Variants in SUGCT observed in about 807,000 individuals in gnomAD.
The protein encoded by SUGCT is succinyl-CoA:glutarate CoA-transferase.
Under a neutral mutation model 55.0 loss-of-function variants are expected in SUGCT, and 41 were observed. That is an observed-to-expected ratio of 0.74 (90% CI 0.58 to 0.97). SUGCT has a LOEUF of 0.97. Among genes scored for constraint, SUGCT ranks in the 50% least tolerant of loss-of-function variants. The pLI, the probability that SUGCT is intolerant of heterozygous loss-of-function variation, is 0.00. For missense variants in SUGCT, 568 were observed against 547.8 expected (o/e 1.04, Z -0.37); for synonymous variants, 187 against 200.4 (o/e 0.93, Z 0.56).
chr7:40,909,294 C>T, the SUGCT span, among the ~76,000 whole-genome samples: 10 of 152,262 alleles, frequency 6.6e-5, no homozygotes, highest in South Asian at 1.7e-3. Context: ...CTGGGAGCCA[C>T]GCTGCTGGAC....
intron 6 of SUGCT, among the ~76,000 whole-genome samples, chr7:40,209,736 C>G (rs1787220465): frequency 6.6e-6 from 1 of 151,618 alleles, no homozygotes; most frequent in Non-Finnish European, 1.5e-5. Flanking sequence ...GCGGAGGTTA[C>G]AGTGAGCCGA....
chr7:40,834,097 T>C (rs1792834551), intron 13 of SUGCT, among the ~76,000 whole-genome samples: 1 of 152,198 alleles, frequency 6.6e-6, no homozygotes, highest in Admixed American at 6.5e-5. Context: ...GTTCTGCTTT[T>C]TTAACTTTCT....
the SUGCT span, among the ~76,000 whole-genome samples, chr7:40,941,529 A>G: frequency 6.6e-6 from 1 of 152,152 alleles, no homozygotes; most frequent in Non-Finnish European, 1.5e-5. Flanking sequence ...TGATTAGAAG[A>G]ATGTATATTC....
chr7:40,600,964 A>G (rs1798266534), intron 12 of SUGCT, among the ~76,000 whole-genome samples: 1 of 152,192 alleles, frequency 6.6e-6, no homozygotes, highest in Non-Finnish European at 1.5e-5. Context: ...AAAACATGAA[A>G]TGTACCACTG....
intron 13 of SUGCT, among the ~76,000 whole-genome samples, chr7:40,818,407 C>T (rs1057379373): frequency 6.6e-6 from 1 of 152,220 alleles, no homozygotes; most frequent in Non-Finnish European, 1.5e-5. Flanking sequence ...GCCTCACCCC[C>T]CTGGGGCCCA....
chr7:40,175,437 C>T (rs1210496837), intron 1 of SUGCT, among the ~76,000 whole-genome samples: 6 of 152,170 alleles, frequency 3.9e-5, no homozygotes, highest in Non-Finnish European at 1.5e-5. Context: ...CCAGGCTGGT[C>T]TCTGACTCCT....
chr7:40,335,806 G>C (rs566157706), intron 9 of SUGCT, among the ~76,000 whole-genome samples: 1 of 152,160 alleles, frequency 6.6e-6, no homozygotes, highest in Non-Finnish European at 1.5e-5. Flanking sequence ...TGGTGAGAGA[G>C]GGCATCCCTG....
the SUGCT span, among the ~76,000 whole-genome samples, chr7:41,031,161 T>G: frequency 1.3e-5 from 2 of 151,666 alleles, no homozygotes; most frequent in African/African-American, 4.9e-5. Flanking sequence ...GGGGCCTCAC[T>G]ATGTTACCCA....
intron 6 of SUGCT, among the ~76,000 whole-genome samples, chr7:40,196,686 A>G (rs954368037): frequency 6.6e-6 from 1 of 151,930 alleles, no homozygotes; most frequent in African/African-American, 2.4e-5. Context: ...TAGCCACCAC[A>G]CCCGGGTAAT....
rs556639516 is a variant in SUGCT, at chr7:40,687,607, G to A, written c.1090-61827G>A. On this transcript the variant is annotated intron_variant, in intron 12 of 13. Transcript: ENST00000335693. ...GAGTTCTTTCCACCCTCAAAATTTC[G>A]TAGAGAACTGGAATGGTTATACCCG... Among the ~76,000 whole-genome samples, 444 of 152,136 alleles carry A rather than the reference G, an allele frequency of 2.9e-3. 2 individuals carry two copies. The highest frequency in any genetic ancestry group is 6.9e-3 in the South Asian group (33 of 4,810).
At chr7:40,873,475 C>T in the SUGCT span, among the ~76,000 whole-genome samples, 2 of 152,180 alleles carry the variant, frequency 1.3e-5, no homozygotes, top group Admixed American at 6.5e-5. Flanking sequence ...GCCAGGCTCC[C>T]GGGCCCACCC....
At chr7:40,896,099 G>A in the SUGCT span, among the ~76,000 whole-genome samples, 7 of 152,044 alleles carry the variant, frequency 4.6e-5, no homozygotes, top group African/African-American at 1.7e-4. Context: ...AAATTCTAAA[G>A]ATTCCACCAA....
the SUGCT span, among the ~76,000 whole-genome samples, chr7:40,953,594 T>A: frequency 2.6e-5 from 4 of 152,246 alleles, no homozygotes; most frequent in African/African-American, 7.2e-5. Flanking sequence ...TATCTACCTT[T>A]GGTCTTTGAT....
intron 12 of SUGCT, among the ~76,000 whole-genome samples, chr7:40,742,263 T>A (rs1194684787): frequency 1.3e-5 from 2 of 152,082 alleles, no homozygotes; most frequent in African/African-American, 4.8e-5. Context: ...AGAATGAAAT[T>A]TAGTAACAGT....
At chr7:40,786,420 G>A (rs1790016119) in intron 13 of SUGCT, among the ~76,000 whole-genome samples, 2 of 152,174 alleles carry the variant, frequency 1.3e-5, no homozygotes, top group South Asian at 4.1e-4. Context: ...TCTCAGCTGT[G>A]AGGTTGGCCT....
intron 12 of SUGCT, among the ~76,000 whole-genome samples, chr7:40,687,537 C>A (rs1478718292): frequency 6.6e-6 from 1 of 152,164 alleles, no homozygotes; most frequent in Non-Finnish European, 1.5e-5. Flanking sequence ...GCTCCCATAT[C>A]CCCTCCAACC....
chr7:40,570,034 GA>G, intron 12 of SUGCT, among the ~76,000 whole-genome samples: 1 of 152,282 alleles, frequency 6.6e-6, no homozygotes, highest in East Asian at 1.9e-4. Context: ...TGCTTTCAAA[GA>G]AAAGAAAATG....
At chr7:40,282,727 C>T (rs912679698) in intron 8 of SUGCT, among the ~76,000 whole-genome samples, 9 of 151,804 alleles carry the variant, frequency 5.9e-5, no homozygotes, top group Non-Finnish European at 1.0e-4. Context: ...AAAAATTACC[C>T]GGGCATGGTT....
chr7:40,729,174 T>C (rs1353288979), intron 12 of SUGCT, among the ~76,000 whole-genome samples: 1 of 152,318 alleles, frequency 6.6e-6, no homozygotes, highest in African/African-American at 2.4e-5. Flanking sequence ...TCAAACCAAA[T>C]TTATTAGTGC....
Sources: allele counts gnomAD v4.1 joint callset (sites outside exome capture counted in the v4.1 genomes callset), GRCh38; gene constraint gnomAD v4.1.1; transcripts MANE v1.5; gene names NCBI Gene and HGNC (gene_info 2026-07-23, HGNC 2026-07-21).